The following GPBP1L1 variants were observed in gnomAD, a reference collection of about 807,000 sequenced individuals.
The protein encoded by GPBP1L1 is vasculin-like protein 1.
In GPBP1L1, 23 loss-of-function variants were observed where a neutral mutation model predicts 52.5. The observed-to-expected ratio is 0.44, with a 90% CI of 0.32 to 0.62. The LOEUF (loss-of-function observed/expected upper bound fraction) is 0.62, where lower values mean the gene tolerates loss of function less well. Ranked by LOEUF, GPBP1L1 falls within the 20% of genes least tolerant of loss-of-function variation. The pLI, the probability that GPBP1L1 is intolerant of heterozygous loss-of-function variation, is 0.06. For missense variants in GPBP1L1, 596 were observed against 579.3 expected (o/e 1.03, Z -0.30); for synonymous variants, 243 against 203.1 (o/e 1.20, Z -1.67).
At chr1:45,639,299 T>C (rs545262590) in intron 8 of GPBP1L1, among the ~76,000 whole-genome samples, 66 of 152,090 alleles carry the variant, frequency 4.3e-4, no homozygotes, top group African/African-American at 1.5e-3. Flanking sequence ...GAAGACAAAG[T>C]CCTGAACAAG....
At chr1:45,676,083 C>T (rs1258519656) in intron 2 of GPBP1L1, among the ~76,000 whole-genome samples, 1 of 152,156 alleles carries the variant, frequency 6.6e-6, no homozygotes, top group Non-Finnish European at 1.5e-5. Flanking sequence ...ACAAGGAGAA[C>T]TCAAGGGTTA....
intron 6 of GPBP1L1, among the ~76,000 whole-genome samples, chr1:45,646,669 C>A (rs1644750611): frequency 6.6e-6 from 1 of 151,998 alleles, no homozygotes; most frequent in South Asian, 2.1e-4. Context: ...CATTCTCCTG[C>A]CTCACAGCCT....
intron 10 of GPBP1L1, among the ~76,000 whole-genome samples, chr1:45,631,129 G>A (rs962693074): frequency 2.6e-5 from 4 of 151,276 alleles, no homozygotes; most frequent in Admixed American, 6.6e-5. Flanking sequence ...CCTTACAGCC[G>A]TCACAAAAAT....
chr1:45,645,342 C>A (rs777819221), intron 6 of GPBP1L1, among the ~76,000 whole-genome samples: 2 of 152,182 alleles, frequency 1.3e-5, no homozygotes, highest in South Asian at 4.1e-4. Context: ...ATTCCCAATT[C>A]AAACTGAGTA....
intron 4 of GPBP1L1, 71 bp downstream of exon 4, chr1:45,658,957 C>CA: frequency 1.8e-6 from 2 of 1,088,098 alleles, no homozygotes; most frequent in Non-Finnish European, 2.8e-6. Flanking sequence ...AAAATGAAAC[C>CA]AAAAAACAAC....
chr1:45,639,272 T>A (rs1399496390), intron 8 of GPBP1L1, among the ~76,000 whole-genome samples: 3 of 152,110 alleles, frequency 2.0e-5, no homozygotes, highest in African/African-American at 4.8e-5. Flanking sequence ...AAAGGTATAC[T>A]AGAACAGTAA....
At chr1:45,648,921 T>G (rs759664781) in intron 6 of GPBP1L1, among the ~76,000 whole-genome samples, 1 of 152,138 alleles carries the variant, frequency 6.6e-6, no homozygotes, top group East Asian at 1.9e-4. Flanking sequence ...TCCCAGCTAC[T>G]TGGGAGGCTG....
intron 2 of GPBP1L1, among the ~76,000 whole-genome samples, chr1:45,679,455 G>C (rs1474346560): frequency 1.3e-4 from 20 of 152,166 alleles, no homozygotes; most frequent in Admixed American, 1.2e-3. Flanking sequence ...AAGGGCATCT[G>C]ACTGGCACAG....
At chr1:45,686,343 C>A (rs1055970002) in intron 1 of GPBP1L1, 69 bp downstream of exon 1, 1 of 152,576 alleles carries the variant, frequency 6.6e-6, no homozygotes, top group Admixed American at 6.5e-5. Flanking sequence ...TGGTTAGGCA[C>A]CGGGCGGAGC....
intron 2 of GPBP1L1, among the ~76,000 whole-genome samples, chr1:45,673,176 T>C (rs79999453): frequency 6.6e-6 from 1 of 152,096 alleles, no homozygotes; most frequent in Non-Finnish European, 1.5e-5. Flanking sequence ...AGCAGGCTCA[T>C]GAATACATAG....
At chr1:45,649,782 C>T (rs1032922285) in intron 6 of GPBP1L1, among the ~76,000 whole-genome samples, 6 of 152,106 alleles carry the variant, frequency 3.9e-5, no homozygotes, top group African/African-American at 1.2e-4. Flanking sequence ...AGATTATTAA[C>T]ACTTCCATCA....
At position 45,644,166 on chromosome 1, in the gene GPBP1L1, A is replaced by G. The variant is rs192118071; in HGVS notation, c.478-1667T>C. On this transcript the variant is annotated intron_variant, in intron 6 of 12. Coordinates refer to ENST00000355105, the MANE Select transcript of GPBP1L1 (RefSeq NM_021639.5). Reference sequence around the variant, plus strand: ...GCAAATGAAACTACCAACTCTCTATATAAGTGGACAAATCAGTGACAGATT... The same window carrying G: ...GCAAATGAAACTACCAACTCTCTATGTAAGTGGACAAATCAGTGACAGATT... Among the ~76,000 whole-genome samples the G allele has an allele frequency of 4.3e-4, 66 of 152,300 alleles. 1 individual carries two copies. Among genetic ancestry groups the G allele is most frequent in the African/African-American group, 1.2e-3 (51 of 41,564 alleles).
At chr1:45,630,353 A>C in intron 11 of GPBP1L1, 129 bp downstream of exon 11, 10 of 1,089,944 alleles carry the variant, frequency 9.2e-6, no homozygotes, top group African/African-American at 1.6e-5. Flanking sequence ...GGGCATACAC[A>C]GAGAACAAGT....
chr1:45,684,781 T>C (rs938734403), intron 2 of GPBP1L1, among the ~76,000 whole-genome samples: 1 of 152,158 alleles, frequency 6.6e-6, no homozygotes, highest in Non-Finnish European at 1.5e-5. Flanking sequence ...ATATTTTTCC[T>C]GTAAAACCAC....
chr1:45,630,888 G>C (rs928256743), intron 10 of GPBP1L1: 18 of 377,060 alleles, frequency 4.8e-5, no homozygotes, highest in Non-Finnish European at 6.0e-5. Flanking sequence ...ACAAAAGCTG[G>C]AGTAATTAAA....
intron 6 of GPBP1L1, among the ~76,000 whole-genome samples, chr1:45,653,698 T>TTTCC (rs1557707111): frequency 1.5e-5 from 2 of 132,494 alleles, no homozygotes; most frequent in Non-Finnish European, 1.6e-5. Flanking sequence ...ATAATCTTTT[T>TTTCC]TTTCTTTTTT....
At chr1:45,641,732 C>T (rs1371685678) in intron 7 of GPBP1L1, 1 of 147,032 alleles carries the variant, frequency 6.8e-6, no homozygotes, top group South Asian at 2.2e-4. Context: ...AGGAGAAAAG[C>T]TTGAATCCGG....
At chr1:45,666,121 A>T (rs1474394003) in intron 2 of GPBP1L1, among the ~76,000 whole-genome samples, 1 of 148,632 alleles carries the variant, frequency 6.7e-6, no homozygotes, top group Non-Finnish European at 1.5e-5. Context: ...CTGAAAATGA[A>T]ATCTTCAAAC....
intron 4 of GPBP1L1, among the ~76,000 whole-genome samples, chr1:45,658,420 T>C (rs1557710473): frequency 6.6e-6 from 1 of 151,962 alleles, no homozygotes; most frequent in Non-Finnish European, 1.5e-5. Context: ...ATACAACACT[T>C]AACTGTGTCA....
Sources: gnomAD v4.1 joint callset for allele counts (sites outside exome capture counted in the v4.1 genomes callset) on GRCh38, gnomAD v4.1.1 for gene constraint, MANE v1.5 for transcripts, NCBI Gene and HGNC (gene_info 2026-07-23, HGNC 2026-07-21) for gene names.